Variants in ASB13 observed in about 807,000 individuals in gnomAD.
ASB13 encodes ankyrin repeat and SOCS box containing 13.
Under a neutral mutation model 28.8 loss-of-function variants are expected in ASB13, and 33 were observed. The ratio of observed to expected loss-of-function variants is 1.15; its 90% CI spans 0.87 to 1.53. ASB13 has a LOEUF of 1.53. Ranked by LOEUF, ASB13 falls within the 40% of genes most tolerant of loss-of-function variation. The pLI, the probability that ASB13 is intolerant of heterozygous loss-of-function variation, is 0.00. For missense variants in ASB13, 414 were observed against 390.1 expected, an observed-to-expected ratio of 1.06 and a Z score of -0.52; for synonymous variants, 182 against 172.9, an observed-to-expected ratio of 1.05 and a Z score of -0.41.
rs1022022390 is a variant in ASB13 at position 5,663,372 on chromosome 10, A to G, written c.43+3137T>C. Among the ~76,000 whole-genome samples the G allele has an allele frequency of 6.6e-6, 1 of 152,112 alleles. No homozygotes were observed. The highest frequency in any genetic ancestry group is 1.5e-5 in the Non-Finnish European group (1 of 68,006). On this transcript the variant is annotated intron_variant, in intron 1 of 5. Coordinates refer to ENST00000357700, the MANE Select transcript of ASB13 (RefSeq NM_024701.4). The surrounding 1 kb of genome is among the most constrained non-coding windows in gnomAD (Gnocchi z 4.9). Reference sequence around the variant, plus strand: ...CACTGGATTCGCTGCATTATCCTTCAATGTCTCCTCCCCTGACTCCCTCAT... The same window carrying G: ...CACTGGATTCGCTGCATTATCCTTCGATGTCTCCTCCCCTGACTCCCTCAT...
Position 5,658,420 on chromosome 10 carries a change from G to GAA in ASB13, c.44-5372_44-5371dup, listed in dbSNP as rs140151394. Among the ~76,000 whole-genome samples the GAA allele has an allele frequency of 0.013, 1,723 of 131,608 alleles. 15 individuals carry two copies. Among genetic ancestry groups the GAA allele is most frequent in the East Asian group, 0.031 (116 of 3,786 alleles). The allele number at this position is 131,608 out of a possible 152,430, so 86.3% of individuals were successfully genotyped here. ...CACTACGGCCTGGGTGACTTTGTCT[G>GAA]AAAAAAAAAAAAAAAACAAAACCAA... On this transcript the variant is annotated intron_variant, in intron 1 of 5. Transcript: ENST00000357700. The surrounding 1 kb of genome is among the most constrained non-coding windows in gnomAD (Gnocchi z 4.2).
rs1834865517 is a variant in ASB13 at position 5,645,267 on chromosome 10, T to C, written c.518-3306A>G. Among the ~76,000 whole-genome samples the C allele has an allele frequency of 6.6e-6, 1 of 152,102 alleles. No individual in the cohort carries two copies. Among genetic ancestry groups the C allele is most frequent in the South Asian group, 2.1e-4 (1 of 4,828 alleles). Reference sequence around the variant, plus strand: ...AAAAAAAATTAAATTTAAAAAATTATAATTAAAAAATTTTTTAAAAATTAA... The same window carrying C: ...AAAAAAAATTAAATTTAAAAAATTACAATTAAAAAATTTTTTAAAAATTAA... On this transcript the variant is annotated intron_variant, in intron 4 of 5. Transcript: ENST00000357700. The surrounding 1 kb of genome is among the most constrained non-coding windows in gnomAD (Gnocchi z 5.4).
Position 5,666,532 on chromosome 10 carries a change from T to G in ASB13, c.20A>C (p.Asp7Ala). Reference sequence around the variant, plus strand: ...ACCCACGTCGCCCAGGAAGCAGCCGTCCGCCGCCCGGGGCTCCATGCGGCT... The same window carrying G: ...ACCCACGTCGCCCAGGAAGCAGCCGGCCGCCGCCCGGGGCTCCATGCGGCT... MEPRAA[D>A]GCFLGDVGFW... Residue 7 changes from aspartate to alanine, a missense_variant, in exon 1 of 6, where the codon GAC (aspartate) becomes GCC (alanine). By Grantham distance (126) the Asp-to-Ala change is moderately radical. Transcript: ENST00000357700. 4 of 1,258,186 alleles carry G rather than the reference T, an allele frequency of 3.2e-6. No homozygotes were observed. Among genetic ancestry groups the G allele is most frequent in the Non-Finnish European group, 4.0e-6 (4 of 996,380 alleles). The allele number at this position is 1,258,186 out of a possible 1,614,324, so 77.9% of individuals were successfully genotyped here.
intron 4 of ASB13, among the ~76,000 whole-genome samples, chr10:5,647,052 A>G (rs1588509476): frequency 6.6e-6 from 1 of 152,350 alleles, no homozygotes. Context: ...AGATTCTCCA[A>G]TAAAAAACTA....
intron 1 of ASB13, among the ~76,000 whole-genome samples, chr10:5,657,266 T>C (rs979519244): frequency 1.3e-5 from 2 of 152,028 alleles, no homozygotes; most frequent in African/African-American, 4.8e-5. Context: ...GGAGAAAATA[T>C]TTGCAAGTCA....
chr10:5,666,470 C>A, intron 1 of ASB13, 39 bp downstream of exon 1: 1 of 1,284,574 alleles, frequency 7.8e-7, no homozygotes, highest in South Asian at 2.2e-5. Context: ...GGAGCCGGCG[C>A]CGCTGCCTCG....
chr10:5,653,386 C>T (rs1348287292), intron 1 of ASB13, among the ~76,000 whole-genome samples: 2 of 152,226 alleles, frequency 1.3e-5, no homozygotes, highest in East Asian at 1.9e-4. Context: ...CCTTTGCCCC[C>T]CTGCCAATTG....
rs768244652 is a variant in ASB13, at chr10:5,641,844, TC to T, written c.634del (p.Asp212ThrfsTer29). 3 of 1,613,788 alleles carry T rather than the reference TC, an allele frequency of 1.9e-6. No homozygotes were observed. In the South Asian group the frequency reaches 3.3e-5, roughly 18 times the overall value. Reference protein sequence around the residue: ...IEFGGNIYARDNRGKKPSDYT... With the variant: ...IEFGGNIYARXNRGKKPSDYT... ...GTCAGACGGCTTCTTCCCGCGGTTG[TC>T]CCGGGCGTAGATGTTGCCGCCAAAC... On this transcript the variant is annotated frameshift_variant, in exon 5 of 6. Coordinates refer to ENST00000357700, the MANE Select transcript of ASB13 (RefSeq NM_024701.4). LOFTEE classifies it high-confidence loss of function. The surrounding 1 kb of genome is among the most constrained non-coding windows in gnomAD (Gnocchi z 8.4).
Position 5,652,016 on chromosome 10 carries a change from A to AC in ASB13, c.232-654_232-653insG. Among the ~76,000 whole-genome samples the AC allele has an allele frequency of 1.1e-5, 1 of 93,860 alleles. No individual in the cohort carries two copies. Among genetic ancestry groups the AC allele is most frequent in the Non-Finnish European group, 2.1e-5 (1 of 47,430 alleles). 61.6% of individuals were successfully genotyped at this position (93,860 alleles called of 152,430 possible). On this transcript the variant is annotated intron_variant, in intron 2 of 5. Coordinates refer to ENST00000357700, the MANE Select transcript of ASB13 (RefSeq NM_024701.4). The surrounding 1 kb of genome is among the most constrained non-coding windows in gnomAD (Gnocchi z 5.0). Reference sequence around the variant, plus strand: ...GACCTTATCTCAAAAAAAAAAAAAAAAAAAAAAAACCACACACACACACAC... The same window carrying AC: ...GACCTTATCTCAAAAAAAAAAAAAAACAAAAAAAAACCACACACACACACAC...
Position 5,640,172 on chromosome 10 carries a change from C to G in ASB13, c.*531G>C, listed in dbSNP as rs79839285. ...GGAAAAGCATCCACACAGCAGCCAG[C>G]AGAGCAGCAGTCCCAGGCCACATCC... On this transcript the variant is annotated 3_prime_UTR_variant, in exon 6 of 6. Coordinates refer to ENST00000357700, the MANE Select transcript of ASB13 (RefSeq NM_024701.4). 1,681 of 154,040 alleles carry G rather than the reference C, an allele frequency of 0.011. 38 individuals carry two copies. The highest frequency in any genetic ancestry group is 0.086 in the South Asian group (422 of 4,896). 9.5% of individuals were successfully genotyped at this position (154,040 alleles called of 1,614,324 possible). A position where few individuals can be genotyped will look rare whatever the true frequency, so the allele number is the denominator to read the frequency against.
At position 5,651,146 on chromosome 10, in the gene ASB13, C is replaced by G; in HGVS notation, c.382+67G>C. 6.6e-7 allele frequency: 1 copy of G among 1,523,438 alleles called. No individual in the cohort carries two copies. Among genetic ancestry groups the G allele is most frequent in the East Asian group, 2.4e-5 (1 of 42,254 alleles). The allele number at this position is 1,523,438 out of a possible 1,614,324, so 94.4% of individuals were successfully genotyped here. A position where few individuals can be genotyped will look rare whatever the true frequency, so the allele number is the denominator to read the frequency against. On this transcript the variant is annotated intron_variant, in intron 3 of 5. Transcript: ENST00000357700. The surrounding 1 kb of genome is among the most constrained non-coding windows in gnomAD (Gnocchi z 5.1). ...CTACTCTGCTTCCTTCCCTAAGTCC[C>G]TTTAATCCCAGAAAGGAGGAAACTT...
At position 5,644,580 on chromosome 10, in the gene ASB13, G is replaced by C. The variant is rs1272141946; in HGVS notation, c.518-2619C>G. On this transcript the variant is annotated intron_variant, in intron 4 of 5. Transcript: ENST00000357700. The surrounding 1 kb of genome is among the most constrained non-coding windows in gnomAD (Gnocchi z 5.1). ...TGCCTGTAATCCCAGCACTTTGAGA[G>C]CCTGAGGCGGGCAGATCACCTGAGG... Among the ~76,000 whole-genome samples, 1 of 152,138 alleles carries C rather than the reference G, an allele frequency of 6.6e-6. No individual in the cohort carries two copies. Among genetic ancestry groups the C allele is most frequent in the Non-Finnish European group, 1.5e-5 (1 of 68,026 alleles).
rs1834795676 is a variant in ASB13, at chr10:5,640,695, C to T, written c.*8G>A. ...GGGGGCAGCCACGGTCCGGACCCCA[C>T]CTGCAATTCAGTTGTAGGAGAGGTA... On this transcript the variant is annotated 3_prime_UTR_variant, in exon 6 of 6. Transcript: ENST00000357700. 1 of 1,614,110 alleles carries T rather than the reference C, an allele frequency of 6.2e-7. No homozygotes were observed. The highest frequency in any genetic ancestry group is 8.5e-7 in the Non-Finnish European group (1 of 1,179,984).
Position 5,666,516 on chromosome 10 carries a change from G to A in ASB13, c.36C>T (p.Gly12=). 2.3e-6 allele frequency: 3 copies of A among 1,282,452 alleles called. No homozygotes were observed. The highest frequency in any genetic ancestry group is 3.0e-6 in the Non-Finnish European group (3 of 1,009,994). 79.4% of individuals were successfully genotyped at this position (1,282,452 alleles called of 1,614,324 possible). A position where few individuals can be genotyped will look rare whatever the true frequency, so the allele number is the denominator to read the frequency against. ...CGCGGCGCCCGCACGTACCCACGTC[G>A]CCCAGGAAGCAGCCGTCCGCCGCCC... ...EPRAADGCFL[G]DVGFWVERTP... The change falls in exon 1 of 6, where the codon GGC becomes GGT. Residue 12 remains glycine (G), a synonymous_variant. Coordinates refer to ENST00000357700, the MANE Select transcript of ASB13 (RefSeq NM_024701.4).
At chr10:5,654,918 G>A (rs1189318832) in intron 1 of ASB13, among the ~76,000 whole-genome samples, 1 of 152,104 alleles carries the variant, frequency 6.6e-6, no homozygotes, top group Non-Finnish European at 1.5e-5. Flanking sequence ...CCAACATGGT[G>A]AAACCCCCGT....
At position 5,639,069 on chromosome 10, in the gene ASB13, G is replaced by A. The variant is rs76511142; in HGVS notation, c.*1634C>T. 11,468 of 152,654 alleles carry A rather than the reference G, an allele frequency of 0.075. 541 individuals carry two copies. Among genetic ancestry groups the A allele is most frequent in the South Asian group, 0.16 (792 of 4,824 alleles). 9.5% of individuals were successfully genotyped at this position (152,654 alleles called of 1,614,324 possible). ...CTGATCCAGAACTGGTAACTAAGGC[G>A]GTGATCAAACAGGAATGCTTTTCTT... On this transcript the variant is annotated 3_prime_UTR_variant, in exon 6 of 6. Transcript: ENST00000357700.
rs1447235448 is a variant in ASB13, at chr10:5,658,489, T to C, written c.44-5439A>G. Among the ~76,000 whole-genome samples, 1 of 151,758 alleles carries C rather than the reference T, an allele frequency of 6.6e-6. No individual in the cohort carries two copies. ...GCCAAATACTGTATGATTCCACTTA[T>C]GTGAGGTCCCTCGAGTAGTCAAATT... is the stretch of plus-strand genomic sequence containing the variant. On this transcript the variant is annotated intron_variant, in intron 1 of 5. Transcript: ENST00000357700. The surrounding 1 kb of genome is among the most constrained non-coding windows in gnomAD (Gnocchi z 4.2).
intron 4 of ASB13, among the ~76,000 whole-genome samples, chr10:5,643,091 G>C (rs890722828): frequency 6.6e-6 from 1 of 152,154 alleles, no homozygotes; most frequent in African/African-American, 2.4e-5. Flanking sequence ...GGTTATAAGA[G>C]AAAACAAATA....
chr10:5,641,787 C>G lies in ASB13; in HGVS notation c.692G>C (p.Cys231Ser). The change falls in exon 5 of 6, where the codon TGC (cysteine) becomes TCC (serine). Residue 231 changes from cysteine to serine, a missense_variant. Transcript: ENST00000357700. The surrounding 1 kb of genome is among the most constrained non-coding windows in gnomAD (Gnocchi z 8.4). ...YTWSSSAPAK[C>S]FEYYEKTPLT... is the part of the protein sequence containing the mutation. Reference sequence around the variant, plus strand: ...TGTCTCACTTTCGTAGTACTCGAAGCACTTGGCGGGAGCGCTGCTGCTCCA... The same window carrying G: ...TGTCTCACTTTCGTAGTACTCGAAGGACTTGGCGGGAGCGCTGCTGCTCCA... 6.2e-7 allele frequency: 1 copy of G among 1,600,126 alleles called. No individual in the cohort carries two copies. Among genetic ancestry groups the G allele is most frequent in the Non-Finnish European group, 8.5e-7 (1 of 1,172,714 alleles).
Sources: allele counts gnomAD v4.1 joint callset (sites outside exome capture counted in the v4.1 genomes callset), GRCh38; gene constraint gnomAD v4.1.1; non-coding constraint Gnocchi (gnomAD v3.1); transcripts MANE v1.5; gene names NCBI Gene and HGNC (gene_info 2026-07-23, HGNC 2026-07-21).